The following ZNF721 variants were observed in gnomAD, a reference collection of about 807,000 sequenced individuals.
ZNF721 encodes zinc finger protein 721.
Under a neutral mutation model 2.4 loss-of-function variants are expected in ZNF721, and 2 were observed. The ratio of observed to expected loss-of-function variants is 0.82; its 90% CI spans 0.34 to 2.58. The LOEUF is 2.58. ZNF721 is among the 30% of genes most tolerant of loss of function. ZNF721 has a pLI of 0.11. For missense variants in ZNF721, 1,187 were observed against 1,085.5 expected (o/e 1.09, Z -1.31); for synonymous variants, 398 against 381.8 (o/e 1.04, Z -0.50).
rs782070623 is a variant in ZNF721, at chr4:442,766, T to C, written c.1701A>G (p.Arg567=). 9.9e-6 allele frequency: 16 copies of C among 1,613,938 alleles called. No homozygotes were observed. The highest frequency in any genetic ancestry group is 1.3e-5 in the African/African-American group (1 of 74,930). Residue 567 remains arginine (R), a synonymous_variant, in exon 3 of 3, where the codon AGA becomes AGG. Transcript: ENST00000511833. ...TATGTACATAAAGGTTTGCGGACTG[T>C]CTAAAGGTTTTGCCACATTCTTCAC... is the stretch of plus-strand genomic sequence containing the variant. ...YTCEECGKTF[R]QSANLYVHRR...
At chr4:494,695 C>T (rs574484202) in intron 1 of ZNF721, among the ~76,000 whole-genome samples, 1 of 152,092 alleles carries the variant, frequency 6.6e-6, no homozygotes, top group Admixed American at 6.5e-5. Context: ...TAGAGGGAGA[C>T]AGCTTTATTT....
At chr4:454,409 A>T (rs554063543) in intron 2 of ZNF721, among the ~76,000 whole-genome samples, 7 of 152,354 alleles carry the variant, frequency 4.6e-5, no homozygotes, top group African/African-American at 1.7e-4. Context: ...TTGTTGTCAG[A>T]GGAATTTGCT....
intron 2 of ZNF721, among the ~76,000 whole-genome samples, chr4:447,847 C>T (rs1714527106): frequency 6.6e-6 from 1 of 152,034 alleles, no homozygotes; most frequent in South Asian, 2.1e-4. Context: ...AACTCAACGA[C>T]AAATGTGTGT....
intron 1 of ZNF721, among the ~76,000 whole-genome samples, chr4:488,168 T>G (rs540522634): frequency 6.6e-6 from 1 of 152,368 alleles, no homozygotes; most frequent in South Asian, 2.1e-4. Flanking sequence ...GCTTTCTCAC[T>G]TTAATAAATT....
At chr4:461,702 GTC>G (rs1715078059) in intron 2 of ZNF721, among the ~76,000 whole-genome samples, 1 of 152,060 alleles carries the variant, frequency 6.6e-6, no homozygotes, top group Non-Finnish European at 1.5e-5. Flanking sequence ...GTGAAACCCT[GTC>G]TCTACCAAAA....
intron 1 of ZNF721, among the ~76,000 whole-genome samples, chr4:478,511 TCATC>T (rs770083529): frequency 0.011 from 1,635 of 152,224 alleles, 24 homozygotes; most frequent in African/African-American, 0.037. Flanking sequence ...CAGGCATGAG[TCATC>T]ACACCTAGCC....
intron 2 of ZNF721, among the ~76,000 whole-genome samples, chr4:448,159 C>T (rs782244411): frequency 4.0e-5 from 6 of 151,794 alleles, no homozygotes; most frequent in Non-Finnish European, 8.8e-5. Context: ...TATTAGGGCA[C>T]AAAAAAAGTC....
intron 2 of ZNF721, among the ~76,000 whole-genome samples, chr4:451,938 T>C (rs931149505): frequency 5.3e-5 from 8 of 152,200 alleles, no homozygotes; most frequent in African/African-American, 1.2e-4. Flanking sequence ...TTTTGAACCA[T>C]TGGCTGTCTG....
rs186714659 is a variant in ZNF721, at chr4:442,016, C to G, written c.2451G>C (p.Ala817=). The change falls in exon 3 of 3, where the codon GCG becomes GCC. Residue 817 remains alanine, a synonymous_variant. Transcript: ENST00000511833. ...KPFKCLECGK[A]FTSSTTLTKH... ...TAGTAAGGGTTGTGGAACTAGTAAA[C>G]GCTTTACCACATTCTAAACATTTAA... is the stretch of plus-strand genomic sequence containing the variant. The G allele has an allele frequency of 6.2e-7, 1 of 1,613,514 alleles. No homozygotes were observed. Among genetic ancestry groups the G allele is most frequent in the South Asian group, 1.1e-5 (1 of 91,044 alleles).
intron 1 of ZNF721, among the ~76,000 whole-genome samples, chr4:480,822 GT>G (rs1191592287): frequency 2.1e-4 from 20 of 96,526 alleles, no homozygotes; most frequent in African/African-American, 7.7e-4. Flanking sequence ...TTCACCTTTT[GT>G]GGGGGGGGGG....
intron 2 of ZNF721, 148 bp from the exon 3 acceptor site, chr4:444,580 C>G: frequency 1.2e-6 from 1 of 855,156 alleles, no homozygotes; most frequent in Non-Finnish European, 1.7e-6. Context: ...ATGTAACAAA[C>G]ATATGGTGAT....
Position 465,691 on chromosome 4 carries a change from C to T in ZNF721, c.34+6884G>A, listed in dbSNP as rs142379391. ...TCATGATCGGCCTCGTGATCGGCCT[C>T]CCAAAGTGCTGGGATTACAGGCGTG... is the stretch of plus-strand genomic sequence containing the variant. On this transcript the variant is annotated intron_variant, in intron 2 of 2. Transcript: ENST00000511833. Among the ~76,000 whole-genome samples the T allele has an allele frequency of 6.4e-3, 976 of 151,952 alleles. 9 individuals carry two copies. The highest frequency in any genetic ancestry group is 0.027 in the Middle Eastern group (8 of 292).
intron 2 of ZNF721, among the ~76,000 whole-genome samples, chr4:446,002 A>C (rs1714461064): frequency 1.3e-5 from 2 of 152,260 alleles, no homozygotes. Context: ...TAATATAACC[A>C]GCAAAACTGT....
rs781955806 is a variant in ZNF721, at chr4:464,417, C to T, written c.34+8158G>A. 2.1e-5 allele frequency among the ~76,000 whole-genome samples: 3 copies of T among 142,996 alleles called. No homozygotes were observed. In the East Asian group the frequency reaches 6.2e-4, roughly 29 times the overall value. The allele number at this position is 142,996 out of a possible 152,430, so 93.8% of individuals were successfully genotyped here. On this transcript the variant is annotated intron_variant, in intron 2 of 2. Transcript: ENST00000511833. ...TTGGGAGGCAGAGATTGCAGTGAGC[C>T]GAGATCACACCACTGCACTCCAGCC...
At chr4:476,329 C>T (rs1426054815) in intron 1 of ZNF721, among the ~76,000 whole-genome samples, 2 of 152,202 alleles carry the variant, frequency 1.3e-5, no homozygotes, top group Non-Finnish European at 2.9e-5. Flanking sequence ...GGCAGAATAT[C>T]ATATATTGGG....
chr4:451,424 C>A (rs1034094146), intron 2 of ZNF721, among the ~76,000 whole-genome samples: 1 of 152,122 alleles, frequency 6.6e-6, no homozygotes, highest in Non-Finnish European at 1.5e-5. Context: ...GGACCTCGTG[C>A]CAAACAACTC....
intron 1 of ZNF721, chr4:474,172 C>G (rs1228235421): frequency 3.8e-6 from 2 of 529,646 alleles, no homozygotes; most frequent in African/African-American, 3.9e-5. Flanking sequence ...TCCCGGATGC[C>G]GCCCCCTCCT....
At chr4:483,857 G>A (rs560329255) in intron 1 of ZNF721, among the ~76,000 whole-genome samples, 17 of 152,144 alleles carry the variant, frequency 1.1e-4, no homozygotes, top group Middle Eastern at 3.2e-3. Context: ...CTGTCGCCAG[G>A]CTGGAGTGCA....
intron 2 of ZNF721, 49 bp from the exon 3 acceptor site, chr4:444,481 C>A: frequency 6.7e-7 from 1 of 1,482,572 alleles, no homozygotes; most frequent in Non-Finnish European, 9.1e-7. Context: ...GATTCATATG[C>A]ATATACTTTA....
Sources: gnomAD v4.1 joint callset for allele counts (sites outside exome capture counted in the v4.1 genomes callset) on GRCh38, gnomAD v4.1.1 for gene constraint, MANE v1.5 for transcripts, NCBI Gene and HGNC (gene_info 2026-07-23, HGNC 2026-07-21) for gene names.